Variants in RAB38 observed in about 807,000 individuals in gnomAD.
RAB38 encodes the protein ras-related protein Rab-38.
Under a neutral mutation model 18.4 loss-of-function variants are expected in RAB38, and 15 were observed. The observed-to-expected ratio is 0.82, with a 90% CI of 0.55 to 1.26. The LOEUF (loss-of-function observed/expected upper bound fraction) is 1.26, where lower values mean the gene tolerates loss of function less well. Ranked by LOEUF, RAB38 falls within the 50% of genes most tolerant of loss-of-function variation. The pLI, the probability that RAB38 is intolerant of heterozygous loss-of-function variation, is 0.00. For missense variants in RAB38, 294 were observed against 267.4 expected (o/e 1.10, Z -0.69); for synonymous variants, 101 against 104.4 (o/e 0.97, Z 0.20).
intron 2 of RAB38, among the ~76,000 whole-genome samples, chr11:88,127,640 C>A (rs573358611): frequency 6.6e-6 from 1 of 152,064 alleles, no homozygotes; most frequent in East Asian, 1.9e-4. Flanking sequence ...GAGACTAGCC[C>A]AAAATGAAAT....
the RAB38 span, among the ~76,000 whole-genome samples, chr11:87,924,595 G>A: frequency 6.6e-6 from 1 of 152,012 alleles, no homozygotes; most frequent in East Asian, 1.9e-4. Flanking sequence ...CCAGGCAACA[G>A]ATTTTGAAAG....
At chr11:87,968,911 G>A in the RAB38 span, among the ~76,000 whole-genome samples, 1 of 152,102 alleles carries the variant, frequency 6.6e-6, no homozygotes, top group Admixed American at 6.6e-5. Context: ...TAGGAGGATG[G>A]GGGGCAGGTG....
At chr11:87,894,992 A>G in the RAB38 span, among the ~76,000 whole-genome samples, 1 of 151,602 alleles carries the variant, frequency 6.6e-6, no homozygotes, top group Admixed American at 6.6e-5. Context: ...AGTCATTTCA[A>G]TTTCTGTAAA....
At position 88,113,863 on chromosome 11, in the gene RAB38, G is replaced by T; in HGVS notation, c.*125C>A. 1 of 1,086,938 alleles carries T rather than the reference G, an allele frequency of 9.2e-7. No homozygotes were observed. The highest frequency in any genetic ancestry group is 1.3e-6 in the Non-Finnish European group (1 of 741,492). 67.3% of individuals were successfully genotyped at this position (1,086,938 alleles called of 1,614,324 possible). A position where few individuals can be genotyped will look rare whatever the true frequency, so the allele number is the denominator to read the frequency against. ...ATTTCTCTCTCACTGAAAAAACAGA[G>T]GCATAGATCTTTGGCTTGCCACATG... On this transcript the variant is annotated 3_prime_UTR_variant, in exon 3 of 3. Transcript: ENST00000243662.
chr11:88,035,908 T>C, the RAB38 span, among the ~76,000 whole-genome samples: 2 of 152,130 alleles, frequency 1.3e-5, no homozygotes, highest in African/African-American at 4.8e-5. Flanking sequence ...CTGTTTGCCT[T>C]GATTTCTCTC....
At chr11:88,022,622 A>AAAAAAAC in the RAB38 span, among the ~76,000 whole-genome samples, 1 of 148,960 alleles carries the variant, frequency 6.7e-6, no homozygotes, top group East Asian at 1.9e-4. Flanking sequence ...AAAAAAAAAA[A>AAAAAAAC]AAAAAAAAAA....
the RAB38 span, among the ~76,000 whole-genome samples, chr11:87,840,434 A>G: frequency 6.6e-6 from 1 of 152,294 alleles, no homozygotes; most frequent in African/African-American, 2.4e-5. Flanking sequence ...CTAAGTGATC[A>G]TTCAAGAAAA....
chr11:88,121,707 C>T (rs997635497), intron 2 of RAB38, among the ~76,000 whole-genome samples: 3 of 152,160 alleles, frequency 2.0e-5, no homozygotes, highest in Non-Finnish European at 4.4e-5. Flanking sequence ...GGACTACAGG[C>T]GCCCGCCGCC....
chr11:87,976,459 A>G, the RAB38 span, among the ~76,000 whole-genome samples: 1 of 134,490 alleles, frequency 7.4e-6, no homozygotes, highest in African/African-American at 2.7e-5. Flanking sequence ...TTATAAATAT[A>G]TATATTTTAC....
the RAB38 span, among the ~76,000 whole-genome samples, chr11:88,022,624 A>AAAC: frequency 3.6e-3 from 544 of 150,354 alleles, 3 homozygotes; most frequent in African/African-American, 0.013. Context: ...AAAAAAAAAA[A>AAAC]AAAAAAAACA....
the RAB38 span, among the ~76,000 whole-genome samples, chr11:88,049,212 A>G: frequency 4.6e-5 from 7 of 152,290 alleles, no homozygotes; most frequent in East Asian, 1.2e-3. Context: ...TTAATAGAAG[A>G]CAGGAATGTC....
the RAB38 span, among the ~76,000 whole-genome samples, chr11:87,807,943 A>G: frequency 1.3e-5 from 2 of 152,212 alleles, no homozygotes; most frequent in African/African-American, 2.4e-5. Flanking sequence ...TGTTTTTCCT[A>G]TCTATCTATC....
the RAB38 span, among the ~76,000 whole-genome samples, chr11:88,089,704 T>C: frequency 2.0e-4 from 31 of 151,992 alleles, no homozygotes; most frequent in Non-Finnish European, 4.3e-4. Context: ...TATGAACTTT[T>C]CTGGTTTCTC....
At chr11:88,093,529 A>C in the RAB38 span, among the ~76,000 whole-genome samples, 1 of 151,994 alleles carries the variant, frequency 6.6e-6, no homozygotes, top group South Asian at 2.1e-4. Context: ...TACTCTCATA[A>C]CCAGTCCTTT....
the RAB38 span, among the ~76,000 whole-genome samples, chr11:87,958,145 G>A: frequency 2.0e-5 from 3 of 152,080 alleles, no homozygotes; most frequent in Non-Finnish European, 4.4e-5. Context: ...ACTGCCCCCA[G>A]TCAGCCAAGC....
At chr11:87,862,955 T>C in the RAB38 span, among the ~76,000 whole-genome samples, 1 of 151,908 alleles carries the variant, frequency 6.6e-6, no homozygotes. Context: ...GCAGTCACTC[T>C]AATTTAGTAA....
the RAB38 span, among the ~76,000 whole-genome samples, chr11:88,038,887 A>T: frequency 1.3e-5 from 2 of 152,216 alleles, no homozygotes; most frequent in African/African-American, 4.8e-5. Flanking sequence ...AATACTTTAC[A>T]AATATCTATT....
the RAB38 span, among the ~76,000 whole-genome samples, chr11:87,838,043 T>G: frequency 6.6e-6 from 1 of 152,172 alleles, no homozygotes; most frequent in Non-Finnish European, 1.5e-5. Context: ...TGTTGCTTAA[T>G]ACCTTGTGAT....
the RAB38 span, among the ~76,000 whole-genome samples, chr11:87,893,390 A>ATATATATATATATTTTTT: frequency 5.0e-4 from 47 of 93,888 alleles, no homozygotes; most frequent in African/African-American, 1.7e-3. Flanking sequence ...ATATATATAT[A>ATATATATATATATTTTTT]TTTTTTTTTT....
Sources: allele counts gnomAD v4.1 joint callset (sites outside exome capture counted in the v4.1 genomes callset), GRCh38; gene constraint gnomAD v4.1.1; transcripts MANE v1.5; gene names NCBI Gene and HGNC (gene_info 2026-07-23, HGNC 2026-07-21).